The following CACNA1E variants were observed in gnomAD, a reference collection of about 807,000 sequenced individuals.
CACNA1E encodes calcium voltage-gated channel subunit alpha1 E.
In CACNA1E, 40 loss-of-function variants were observed where a neutral mutation model predicts 259.2. The ratio of observed to expected loss-of-function variants is 0.15; its 90% CI spans 0.12 to 0.20. The LOEUF (loss-of-function observed/expected upper bound fraction) is 0.20. Ranked by LOEUF, CACNA1E falls within the 10% of genes least tolerant of loss-of-function variation. The pLI, the probability that CACNA1E is intolerant of heterozygous loss-of-function variation, is 1.00. For synonymous variants in CACNA1E, 1,104 were observed against 1,138.5 expected (o/e 0.97, Z 0.61); for missense variants, 1,874 against 3,040.1 (o/e 0.62, Z 9.02).
chr1:181,732,983 A>G lies in CACNA1E; in HGVS notation c.2897A>G (p.His966Arg). 1 of 1,613,440 alleles carries G rather than the reference A, an allele frequency of 6.2e-7. No individual in the cohort carries two copies. The highest frequency in any genetic ancestry group is 8.5e-7 in the Non-Finnish European group (1 of 1,179,664). Residue 966 changes from histidine (H) to arginine (R), a missense_variant, in exon 20 of 48, where the codon CAT becomes CGT. Coordinates refer to ENST00000367573, the MANE Select transcript of CACNA1E (RefSeq NM_001205293.3). This position sits in a 1 kb window ranked among gnomAD's most constrained non-coding sequence, Gnocchi z 5.5. Reference protein sequence around the residue: ...GEKDHELRGNHGAKEPTIQEE... With the variant: ...GEKDHELRGNRGAKEPTIQEE... Reference sequence around the variant, plus strand: ...AAGGACCATGAGCTCAGGGGCAACCATGGTGCCAAGGAGCCAACGATCCAA... The same window carrying G: ...AAGGACCATGAGCTCAGGGGCAACCGTGGTGCCAAGGAGCCAACGATCCAA...
chr1:181,771,574 C>G (rs1338433232), intron 36 of CACNA1E, 190 bp downstream of exon 36: 2 of 567,792 alleles, frequency 3.5e-6, no homozygotes, highest in Non-Finnish European at 6.3e-6. Context: ...TTGTCTACAG[C>G]CATACCACCA....
chr1:181,584,314 G>A (rs567342635), intron 6 of CACNA1E, among the ~76,000 whole-genome samples: 1 of 152,342 alleles, frequency 6.6e-6, no homozygotes, highest in Admixed American at 6.5e-5. Flanking sequence ...TCTTGGAGGT[G>A]TACTGTTTCT....
chr1:181,336,076 G>A (rs77531195), intron 1 of CACNA1E, among the ~76,000 whole-genome samples: 5,245 of 152,286 alleles, frequency 0.034, 164 homozygotes, highest in Non-Finnish European at 0.051. Context: ...ATCTAGTTGA[G>A]TCTCCTGTTT....
intron 6 of CACNA1E, among the ~76,000 whole-genome samples, chr1:181,637,827 G>A (rs1159224918): frequency 6.6e-6 from 1 of 152,186 alleles, no homozygotes; most frequent in Non-Finnish European, 1.5e-5. Flanking sequence ...CAGGGATTGA[G>A]TGGAGGCTTT....
intron 2 of CACNA1E, among the ~76,000 whole-genome samples, chr1:181,442,265 G>GAAGGGCACAGGTGTGA (rs1660536095): frequency 4.0e-5 from 6 of 151,318 alleles, no homozygotes; most frequent in Admixed American, 1.3e-4. Context: ...GCACAGGTAT[G>GAAGGGCACAGGTGTGA]AGGGACACAG....
chr1:181,440,783 A>G (rs71632115), intron 2 of CACNA1E, among the ~76,000 whole-genome samples: 5 of 151,902 alleles, frequency 3.3e-5, no homozygotes, highest in African/African-American at 1.2e-4. Flanking sequence ...GGAGTTCGAC[A>G]CCAGCCTGGG....
chr1:181,420,497 A>G (rs1247551199), intron 2 of CACNA1E, among the ~76,000 whole-genome samples: 2 of 152,192 alleles, frequency 1.3e-5, no homozygotes, highest in Non-Finnish European at 2.9e-5. Flanking sequence ...AACATTTTTC[A>G]TACATATGAT....
chr1:181,397,348 C>G (rs1030571293), intron 1 of CACNA1E, among the ~76,000 whole-genome samples: 11 of 152,134 alleles, frequency 7.2e-5, no homozygotes, highest in Admixed American at 5.2e-4. Flanking sequence ...ATTTCCAGGC[C>G]GGAGTGCAGT....
intron 3 of CACNA1E, among the ~76,000 whole-genome samples, chr1:181,576,263 A>G (rs12747133): frequency 0.58 from 87,989 of 152,050 alleles, 25,766 homozygotes; most frequent in East Asian, 0.7. Context: ...TGGTTGTTTA[A>G]ATAACCTTTA....
At chr1:181,343,973 C>A (rs1367096320) in intron 1 of CACNA1E, among the ~76,000 whole-genome samples, 1 of 152,186 alleles carries the variant, frequency 6.6e-6, no homozygotes. Flanking sequence ...CCTCACCTGG[C>A]TACTCTTGCT....
intron 8 of CACNA1E, among the ~76,000 whole-genome samples, chr1:181,714,645 G>A (rs1653720325): frequency 6.6e-6 from 1 of 152,076 alleles, no homozygotes; most frequent in Non-Finnish European, 1.5e-5. Context: ...TCCTCCATGA[G>A]TCATTTCATT....
chr1:181,580,869 G>A (rs2102981466), intron 6 of CACNA1E, 93 bp downstream of exon 6: 1 of 1,080,826 alleles, frequency 9.3e-7, no homozygotes, highest in South Asian at 1.4e-5. Context: ...CGGGGACAGG[G>A]AGGGCTATGG....
In CACNA1E at chr1:181,802,228, T is replaced by C. The variant is rs755326001; in HGVS notation, c.*3394T>C. The C allele has an allele frequency of 1.7e-4, 26 of 152,308 alleles. No individual in the cohort carries two copies. Among genetic ancestry groups the C allele is most frequent in the African/African-American group, 4.3e-4 (18 of 41,468 alleles). The allele number at this position is 152,308 out of a possible 1,614,324, so 9.4% of individuals were successfully genotyped here. A position where few individuals can be genotyped will look rare whatever the true frequency, so the allele number is the denominator to read the frequency against. On this transcript the variant is annotated 3_prime_UTR_variant, in exon 48 of 48. Coordinates refer to ENST00000367573, the MANE Select transcript of CACNA1E (RefSeq NM_001205293.3). Reference sequence around the variant, plus strand: ...TCAGTGGGGGTCTCTGCTGCTCTTCTGGCTGAAGAATCTGTTTTTCTTCTG... The same window carrying C: ...TCAGTGGGGGTCTCTGCTGCTCTTCCGGCTGAAGAATCTGTTTTTCTTCTG...
chr1:181,784,830 T>TG, intron 41 of CACNA1E, 62 bp downstream of exon 41: 1 of 989,286 alleles, frequency 1.0e-6, no homozygotes, highest in Non-Finnish European at 1.6e-6. Flanking sequence ...ACTACGTCTT[T>TG]GGGGGGAACC....
chr1:181,525,800 A>G (rs770366257), intron 3 of CACNA1E, among the ~76,000 whole-genome samples: 13 of 152,196 alleles, frequency 8.5e-5, no homozygotes, highest in Non-Finnish European at 1.8e-4. Flanking sequence ...TTGTGGCCAT[A>G]GATTGGAGTG....
intron 1 of CACNA1E, among the ~76,000 whole-genome samples, chr1:181,384,360 C>A (rs1655683554): frequency 6.6e-6 from 1 of 152,148 alleles, no homozygotes; most frequent in Non-Finnish European, 1.5e-5. Flanking sequence ...TCCAATTATC[C>A]AGTGTCATTC....
chr1:181,607,421 A>G (rs2103093037), intron 6 of CACNA1E, among the ~76,000 whole-genome samples: 1 of 152,216 alleles, frequency 6.6e-6, no homozygotes, highest in Non-Finnish European at 1.5e-5. Flanking sequence ...TTTTATAGAC[A>G]TGTATGTACC....
rs764017933 is a variant in CACNA1E, at chr1:181,794,910, G to A, written c.6074G>A (p.Arg2025Gln). Residue 2025 changes from arginine (R) to glutamine (Q), a missense_variant, in exon 46 of 48, where the codon CGG (arginine) becomes CAG (glutamine). Physicochemically the swap from Arg to Gln is conservative, Grantham distance 43. Transcript: ENST00000367573. ...SSMRRSFSTIRDKRSNSSWLE... is the reference protein window; with the variant it reads ...SSMRRSFSTIQDKRSNSSWLE... Reference sequence around the variant, plus strand: ...ATGAGACGTTCATTTTCCACTATTCGGGATAAGCGTTCAAATTCCTCGTGG... The same window carrying A: ...ATGAGACGTTCATTTTCCACTATTCAGGATAAGCGTTCAAATTCCTCGTGG... 9 of 1,613,728 alleles carry A rather than the reference G, an allele frequency of 5.6e-6. No homozygotes were observed. Among genetic ancestry groups the A allele is most frequent in the South Asian group, 2.2e-5 (2 of 91,048 alleles).
intron 1 of CACNA1E, among the ~76,000 whole-genome samples, chr1:181,502,352 T>A (rs1346207286): frequency 6.6e-6 from 1 of 152,212 alleles, no homozygotes; most frequent in South Asian, 2.1e-4. Context: ...CATCTATAGC[T>A]CCTCAGAATC....
Sources: allele counts gnomAD v4.1 joint callset (sites outside exome capture counted in the v4.1 genomes callset), GRCh38; gene constraint gnomAD v4.1.1; non-coding constraint Gnocchi (gnomAD v3.1); transcripts MANE v1.5; gene names NCBI Gene and HGNC (gene_info 2026-07-23, HGNC 2026-07-21).